Variants in FDX1 observed in about 807,000 individuals in gnomAD.
FDX1 encodes the protein ferredoxin 1.
In FDX1, 9 loss-of-function variants were observed where a neutral mutation model predicts 14.9. That is an observed-to-expected ratio of 0.60 (90% CI 0.36 to 1.05). FDX1 has a LOEUF of 1.05. FDX1 is among the 50% of genes least tolerant of loss of function. FDX1 has a pLI of 0.01. For synonymous variants in FDX1, 92 were observed against 99.4 expected, an observed-to-expected ratio of 0.93 and a Z score of 0.44; for missense variants, 204 against 237.2, an observed-to-expected ratio of 0.86 and a Z score of 0.92.
chr11:110,454,018 A>G (rs138808408), intron 2 of FDX1, among the ~76,000 whole-genome samples: 2 of 152,356 alleles, frequency 1.3e-5, no homozygotes, highest in South Asian at 4.1e-4. Context: ...GAAAAGGACC[A>G]TAAAATAGTG....
intron 2 of FDX1, among the ~76,000 whole-genome samples, chr11:110,445,709 C>G (rs996965251): frequency 5.1e-4 from 77 of 152,106 alleles, no homozygotes; most frequent in Non-Finnish European, 1.8e-4. Flanking sequence ...AGCTTTGTGA[C>G]CTTGGGTTGG....
chr11:110,458,769 C>T (rs995858053), intron 3 of FDX1, among the ~76,000 whole-genome samples: 9 of 151,850 alleles, frequency 5.9e-5, no homozygotes, highest in African/African-American at 7.3e-5. Context: ...CACCATGCCC[C>T]GCTAATTTTT....
chr11:110,447,808 G>GA (rs1946461397), intron 2 of FDX1, among the ~76,000 whole-genome samples: 1 of 152,120 alleles, frequency 6.6e-6, no homozygotes, highest in African/African-American at 2.4e-5. Flanking sequence ...TTGTTACCCT[G>GA]AACCCATTAT....
intron 2 of FDX1, among the ~76,000 whole-genome samples, chr11:110,454,237 T>C (rs770918922): frequency 5.9e-5 from 9 of 152,032 alleles, no homozygotes; most frequent in Non-Finnish European, 1.2e-4. Context: ...GCCATGAAAA[T>C]TTAAATAAGA....
chr11:110,435,310 C>T (rs1043138748), intron 1 of FDX1, among the ~76,000 whole-genome samples: 6 of 152,172 alleles, frequency 3.9e-5, no homozygotes, highest in Non-Finnish European at 7.3e-5. Flanking sequence ...TTCAGCTTCT[C>T]GAAGTACTGG....
chr11:110,433,149 T>C (rs1383162170), intron 1 of FDX1, among the ~76,000 whole-genome samples: 1 of 152,264 alleles, frequency 6.6e-6, no homozygotes, highest in Non-Finnish European at 1.5e-5. Flanking sequence ...CTGAAACCTC[T>C]GGCTTTCAGT....
At chr11:110,462,282 C>G (rs146883057) in intron 3 of FDX1, 72 bp from the exon 4 acceptor site, 1 of 800,272 alleles carries the variant, frequency 1.2e-6, no homozygotes, top group African/African-American at 1.7e-5. Context: ...TAAAGACTAT[C>G]TTAAACAACT....
At chr11:110,451,231 T>C (rs1946484384) in intron 2 of FDX1, among the ~76,000 whole-genome samples, 2 of 152,112 alleles carry the variant, frequency 1.3e-5, no homozygotes, top group African/African-American at 4.8e-5. Flanking sequence ...CCATAAAAAA[T>C]AATGTTGGCT....
At position 110,462,545 on chromosome 11, in the gene FDX1, A is replaced by T. The variant is rs1218840224; in HGVS notation, c.*77A>T. On this transcript the variant is annotated 3_prime_UTR_variant, in exon 4 of 4. Transcript: ENST00000260270. ...TTATTTCTTAAAGTGATTAAATGAG[A>T]ACATGGATGAGTGGACTTCATATTA... 6 of 737,378 alleles carry T rather than the reference A, an allele frequency of 8.1e-6. No homozygotes were observed. The highest frequency in any genetic ancestry group is 1.3e-5 in the Non-Finnish European group (6 of 455,136). The allele number at this position is 737,378 out of a possible 1,614,324, so 45.7% of individuals were successfully genotyped here. A position where few individuals can be genotyped will look rare whatever the true frequency, so the allele number is the denominator to read the frequency against.
intron 2 of FDX1, among the ~76,000 whole-genome samples, chr11:110,443,063 G>C (rs1946415423): frequency 1.3e-5 from 2 of 152,164 alleles, no homozygotes; most frequent in African/African-American, 2.4e-5. Flanking sequence ...GGATTGTGAG[G>C]CTTCCCCAGC....
intron 1 of FDX1, among the ~76,000 whole-genome samples, chr11:110,434,747 T>C (rs1253629524): frequency 6.8e-6 from 1 of 146,422 alleles, no homozygotes; most frequent in Non-Finnish European, 1.5e-5. Flanking sequence ...TTTTTTTTTT[T>C]TGAGACAGGG....
chr11:110,444,741 T>C (rs1035910168), intron 2 of FDX1, among the ~76,000 whole-genome samples: 2 of 52,378 alleles, frequency 3.8e-5, no homozygotes, highest in African/African-American at 2.1e-4. Context: ...TATATATATA[T>C]ATACACGTAT....
chr11:110,437,281 A>G (rs1000229516), intron 2 of FDX1, among the ~76,000 whole-genome samples: 2 of 152,222 alleles, frequency 1.3e-5, no homozygotes, highest in East Asian at 1.9e-4. Flanking sequence ...GGCGTGAGCC[A>G]CCATGCCCAG....
chr11:110,434,334 A>AT lies in FDX1; in HGVS notation c.186-1481dup, dbSNP rs1555068018. On this transcript the variant is annotated intron_variant, in intron 1 of 3. Coordinates refer to ENST00000260270, the MANE Select transcript of FDX1 (RefSeq NM_004109.5). ...CACTGGAAAAGCAATCGCCCTATTG[A>AT]TTTTTTTTTTTTTTTTTTTGGAGAC... Among the ~76,000 whole-genome samples, 867 of 126,370 alleles carry AT rather than the reference A, an allele frequency of 6.9e-3. 13 individuals carry two copies. The highest frequency in any genetic ancestry group is 0.011 in the African/African-American group (376 of 33,088). The allele number at this position is 126,370 out of a possible 152,430, so 82.9% of individuals were successfully genotyped here. A position where few individuals can be genotyped will look rare whatever the true frequency, so the allele number is the denominator to read the frequency against.
At chr11:110,448,142 A>G (rs1591251543) in intron 2 of FDX1, among the ~76,000 whole-genome samples, 1 of 152,138 alleles carries the variant, frequency 6.6e-6, no homozygotes, top group African/African-American at 2.4e-5. Context: ...CTGAGATTCA[A>G]CTTACCTAGT....
upstream of FDX1, chr11:110,429,827 T>G (rs1946315952): frequency 3.7e-6 from 1 of 272,292 alleles, no homozygotes; most frequent in South Asian, 1.7e-4. Context: ...CAACGGAACC[T>G]GGAGGGTTGG....
chr11:110,441,231 A>G (rs1180849497), intron 2 of FDX1, among the ~76,000 whole-genome samples: 1 of 152,234 alleles, frequency 6.6e-6, no homozygotes, highest in African/African-American at 2.4e-5. Flanking sequence ...AGCAGTGTGA[A>G]AATGGACTAA....
chr11:110,441,144 C>A (rs1483020291), intron 2 of FDX1, among the ~76,000 whole-genome samples: 1 of 152,228 alleles, frequency 6.6e-6, no homozygotes, highest in Non-Finnish European at 1.5e-5. Flanking sequence ...TGTGAGGCTT[C>A]CTCAGCCACA....
In FDX1 at chr11:110,434,183, C is replaced by T. The variant is rs995875297; in HGVS notation, c.186-1651C>T. Among the ~76,000 whole-genome samples the T allele has an allele frequency of 2.0e-5, 3 of 152,128 alleles. No individual in the cohort carries two copies. In the South Asian group the frequency reaches 6.2e-4, roughly 32 times the overall value. On this transcript the variant is annotated intron_variant, in intron 1 of 3. Coordinates refer to ENST00000260270, the MANE Select transcript of FDX1 (RefSeq NM_004109.5). ...AACATGTAAGGAGGTATTTATCTTA[C>T]AGATTCAAACAAATAAACTTTTTCT...
Sources: gnomAD v4.1 joint callset for allele counts (sites outside exome capture counted in the v4.1 genomes callset) on GRCh38, gnomAD v4.1.1 for gene constraint, MANE v1.5 for transcripts, NCBI Gene and HGNC (gene_info 2026-07-23, HGNC 2026-07-21) for gene names.